DLGAP2: variants seen among roughly 807,000 people sequenced by gnomAD.
The protein encoded by DLGAP2 is disks large-associated protein 2.
Under a neutral mutation model 100.3 loss-of-function variants are expected in DLGAP2, and 26 were observed. That is an observed-to-expected ratio of 0.26 (90% CI 0.19 to 0.36). The LOEUF is 0.36. Ranked by LOEUF, DLGAP2 falls within the 10% of genes least tolerant of loss-of-function variation. The probability of loss-of-function intolerance (pLI) is 1.00; values close to 1 mark genes in which losing one functional copy is unlikely to be tolerated. For synonymous variants in DLGAP2, 886 were observed against 630.1 expected (o/e 1.41, Z -6.08); for missense variants, 1,858 against 1,453.2 (o/e 1.28, Z -4.53).
chr8:1,220,220 T>G (rs1798290108), intron 2 of DLGAP2, among the ~76,000 whole-genome samples: 1 of 152,200 alleles, frequency 6.6e-6, no homozygotes, highest in African/African-American at 2.4e-5. Flanking sequence ...TTTGAAATCT[T>G]TCTAACTTCT....
chr8:1,174,214 A>G (rs1042565958), intron 2 of DLGAP2, among the ~76,000 whole-genome samples: 4 of 152,172 alleles, frequency 2.6e-5, no homozygotes, highest in Middle Eastern at 6.8e-3. Context: ...GAAAAACAGA[A>G]AAATTGCTAT....
chr8:1,119,382 A>T (rs1272532466), intron 2 of DLGAP2, among the ~76,000 whole-genome samples: 1 of 152,228 alleles, frequency 6.6e-6, no homozygotes. Context: ...TGGGAGGCTG[A>T]CTGTGCATCT....
At chr8:1,191,425 CT>C (rs761129620) in intron 2 of DLGAP2, among the ~76,000 whole-genome samples, 11 of 152,282 alleles carry the variant, frequency 7.2e-5, no homozygotes, top group South Asian at 4.2e-4. Flanking sequence ...CCGCCTCAGC[CT>C]CCCAAAGTGC....
intron 8 of DLGAP2, among the ~76,000 whole-genome samples, chr8:1,635,112 C>A (rs1274947032): frequency 6.6e-6 from 1 of 152,174 alleles, no homozygotes; most frequent in Non-Finnish European, 1.5e-5. Flanking sequence ...AATAAAAGTA[C>A]AGATTAATCA....
chr8:1,600,645 T>C (rs1469291696), intron 6 of DLGAP2, among the ~76,000 whole-genome samples: 1 of 152,248 alleles, frequency 6.6e-6, no homozygotes, highest in African/African-American at 2.4e-5. Flanking sequence ...TCTGATATCC[T>C]TTCTTCATTT....
At chr8:1,304,717 G>C (rs1179274229) in intron 3 of DLGAP2, among the ~76,000 whole-genome samples, 1 of 152,176 alleles carries the variant, frequency 6.6e-6, no homozygotes, top group Admixed American at 6.5e-5. Flanking sequence ...ATCGACAAAA[G>C]CAAGCAGGGT....
intron 4 of DLGAP2, among the ~76,000 whole-genome samples, chr8:1,533,268 G>GT: frequency 6.6e-6 from 1 of 152,220 alleles, no homozygotes; most frequent in South Asian, 2.1e-4. Flanking sequence ...GGAGGCCGAG[G>GT]TGGGCAGATC....
At chr8:1,604,511 G>T (rs922077553) in intron 6 of DLGAP2, 1 of 102,006 alleles carries the variant, frequency 9.8e-6, no homozygotes, top group African/African-American at 3.4e-5. Context: ...CATCTCCGGG[G>T]ATGCGATCCA....
At chr8:981,669 A>G (rs184238382) in intron 2 of DLGAP2, among the ~76,000 whole-genome samples, 1 of 152,268 alleles carries the variant, frequency 6.6e-6, no homozygotes, top group East Asian at 1.9e-4. Context: ...TTCCCTGACA[A>G]TTAGTGACGT....
At chr8:922,842 G>A (rs1339664181) in intron 2 of DLGAP2, among the ~76,000 whole-genome samples, 1 of 152,196 alleles carries the variant, frequency 6.6e-6, no homozygotes, top group East Asian at 1.9e-4. Context: ...TCAGGTGTGA[G>A]TTGGGGTTAA....
chr8:1,634,202 A>T (rs1351144683), intron 8 of DLGAP2, among the ~76,000 whole-genome samples: 1 of 152,250 alleles, frequency 6.6e-6, no homozygotes, highest in African/African-American at 2.4e-5. Flanking sequence ...GAGAAGCTGT[A>T]GCCATAGATA....
chr8:1,478,343 C>G (rs527292428), intron 3 of DLGAP2, among the ~76,000 whole-genome samples: 2 of 152,322 alleles, frequency 1.3e-5, no homozygotes, highest in African/African-American at 4.8e-5. Context: ...ATGAGCACCC[C>G]TCAGCTCATG....
intron 2 of DLGAP2, among the ~76,000 whole-genome samples, chr8:1,118,312 A>G (rs1364907483): frequency 1.3e-5 from 2 of 152,202 alleles, no homozygotes; most frequent in Non-Finnish European, 2.9e-5. Context: ...TTGACCCCGT[A>G]GTGTGTGAGC....
At chr8:1,173,229 C>T (rs1021760180) in intron 2 of DLGAP2, among the ~76,000 whole-genome samples, 1 of 152,126 alleles carries the variant, frequency 6.6e-6, no homozygotes, top group East Asian at 1.9e-4. Flanking sequence ...GCTGCCTGAT[C>T]GTTCTTCTGG....
intron 3 of DLGAP2, among the ~76,000 whole-genome samples, chr8:1,284,159 G>A (rs1799876421): frequency 1.3e-5 from 2 of 152,250 alleles, no homozygotes; most frequent in African/African-American, 4.8e-5. Context: ...GTCTCCTGCA[G>A]TAGCTAAGTA....
At chr8:861,389 AC>A (rs1797387294) in intron 1 of DLGAP2, among the ~76,000 whole-genome samples, 1 of 152,084 alleles carries the variant, frequency 6.6e-6, no homozygotes, top group African/African-American at 2.4e-5. Flanking sequence ...ACCGGGGATG[AC>A]TGTACTTCTC....
chr8:781,154 CT>C (rs983733164), intron 1 of DLGAP2, among the ~76,000 whole-genome samples: 3 of 151,846 alleles, frequency 2.0e-5, no homozygotes, highest in Admixed American at 6.6e-5. Flanking sequence ...AATTTGTAGT[CT>C]TTTTTTGTAT....
rs192627909 is a variant in DLGAP2, at chr8:1,657,169, T to C, written c.1811-11160T>C. Among the ~76,000 whole-genome samples the C allele has an allele frequency of 1.5e-3, 223 of 152,358 alleles. 3 individuals are homozygous for C. Among genetic ancestry groups the C allele is most frequent in the South Asian group, 9.9e-3 (48 of 4,828 alleles). On this transcript the variant is annotated intron_variant, in intron 8 of 14. Transcript: ENST00000637795. ...ATTAAACAATCATTTCTTCTTCTAATTTCAAAATACATATTTGATCACTTA... is the reference window on the plus strand; with the variant it reads ...ATTAAACAATCATTTCTTCTTCTAACTTCAAAATACATATTTGATCACTTA...
chr8:1,113,020 G>A (rs1181860114), intron 2 of DLGAP2, among the ~76,000 whole-genome samples: 1 of 152,156 alleles, frequency 6.6e-6, no homozygotes, highest in African/African-American at 2.4e-5. Flanking sequence ...TTGCAGGTGT[G>A]TAACCTTATT....
Sources: allele counts gnomAD v4.1 joint callset (sites outside exome capture counted in the v4.1 genomes callset), GRCh38; gene constraint gnomAD v4.1.1; transcripts MANE v1.5; gene names NCBI Gene and HGNC (gene_info 2026-07-23, HGNC 2026-07-21).